Variants in LHFPL3 observed in about 807,000 individuals in gnomAD.
The protein encoded by LHFPL3 is LHFPL tetraspan subfamily member 3.
A neutral mutation model predicts 19.3 loss-of-function variants in LHFPL3; 5 were observed. The ratio of observed to expected loss-of-function variants is 0.26; its 90% CI spans 0.14 to 0.54. LHFPL3 has a LOEUF of 0.54. Ranked by LOEUF, LHFPL3 falls within the 20% of genes least tolerant of loss-of-function variation. The probability of loss-of-function intolerance (pLI) is 0.94; values close to 1 mark genes in which losing one functional copy is unlikely to be tolerated. For synonymous variants in LHFPL3, 133 were observed against 126.2 expected (o/e 1.05, Z -0.36); for missense variants, 249 against 307.4 (o/e 0.81, Z 1.42).
chr7:104,462,348 A>G (rs989303625), intron 1 of LHFPL3, among the ~76,000 whole-genome samples: 13 of 152,314 alleles, frequency 8.5e-5, no homozygotes, highest in African/African-American at 2.9e-4. Context: ...CCCATTCAGT[A>G]TGATAGTGGC....
At chr7:104,551,401 A>G (rs13231181) in intron 1 of LHFPL3, among the ~76,000 whole-genome samples, 28,255 of 151,858 alleles carry the variant, frequency 0.19, 2,987 homozygotes, top group Non-Finnish European at 0.24. Flanking sequence ...TGCAGGCAGG[A>G]TCTGTATGCA....
chr7:104,478,390 T>C (rs115600413), intron 1 of LHFPL3, among the ~76,000 whole-genome samples: 4,355 of 152,150 alleles, frequency 0.029, 159 homozygotes, highest in African/African-American at 0.072. Flanking sequence ...TTGGGGGCTC[T>C]TGGGGGTAGT....
intron 1 of LHFPL3, among the ~76,000 whole-genome samples, chr7:104,396,740 C>T (rs1487133729): frequency 2.6e-5 from 4 of 151,712 alleles, no homozygotes; most frequent in East Asian, 1.9e-4. Context: ...GCAGATTGCT[C>T]GAGCTCAGGA....
At chr7:104,886,450 C>T (rs1247893619) in intron 2 of LHFPL3, among the ~76,000 whole-genome samples, 1 of 152,104 alleles carries the variant, frequency 6.6e-6, no homozygotes, top group Non-Finnish European at 1.5e-5. Context: ...CCGCAACTTC[C>T]GCCACCTGGG....
At chr7:104,565,188 T>G (rs1027183469) in intron 1 of LHFPL3, among the ~76,000 whole-genome samples, 1 of 152,220 alleles carries the variant, frequency 6.6e-6, no homozygotes, top group East Asian at 1.9e-4. Flanking sequence ...TTCAAACATA[T>G]AAGATGACAG....
intron 1 of LHFPL3, among the ~76,000 whole-genome samples, chr7:104,585,110 C>T (rs1790539713): frequency 6.6e-6 from 1 of 152,042 alleles, no homozygotes; most frequent in Admixed American, 6.6e-5. Flanking sequence ...TCCCTACTCC[C>T]AGCACTCTTG....
chr7:104,828,733 TAA>T (rs887484758), intron 2 of LHFPL3, among the ~76,000 whole-genome samples: 1 of 151,702 alleles, frequency 6.6e-6, no homozygotes, highest in Non-Finnish European at 1.5e-5. Flanking sequence ...AAGAGGGAAA[TAA>T]AGAGTCCCCA....
intron 1 of LHFPL3, among the ~76,000 whole-genome samples, chr7:104,581,668 C>T (rs933453791): frequency 5.9e-5 from 9 of 151,928 alleles, no homozygotes; most frequent in Non-Finnish European, 1.5e-5. Context: ...CTCAAATTAA[C>T]TTTTTTATAT....
chr7:104,601,255 G>A (rs1414352878), intron 1 of LHFPL3, among the ~76,000 whole-genome samples: 2 of 152,046 alleles, frequency 1.3e-5, no homozygotes, highest in African/African-American at 4.8e-5. Context: ...AGAGATGATA[G>A]TTTAAATTAG....
chr7:104,876,939 T>C (rs898182876), intron 2 of LHFPL3, among the ~76,000 whole-genome samples: 23 of 152,160 alleles, frequency 1.5e-4, no homozygotes, highest in Non-Finnish European at 1.9e-4. Flanking sequence ...TGGAATACTA[T>C]GCAGCCATAA....
chr7:104,599,527 A>G (rs1192002551), intron 1 of LHFPL3, among the ~76,000 whole-genome samples: 1 of 152,212 alleles, frequency 6.6e-6, no homozygotes, highest in African/African-American at 2.4e-5. Flanking sequence ...GGAAGAACCC[A>G]TCACATGTTT....
At chr7:104,452,616 GTTAA>G (rs2116604011) in intron 1 of LHFPL3, among the ~76,000 whole-genome samples, 1 of 152,180 alleles carries the variant, frequency 6.6e-6, no homozygotes, top group African/African-American at 2.4e-5. Context: ...CTTTTCATAT[GTTAA>G]TTAAGCATTA....
chr7:104,466,920 C>G (rs58309979), intron 1 of LHFPL3, among the ~76,000 whole-genome samples: 1,711 of 152,298 alleles, frequency 0.011, 23 homozygotes, highest in African/African-American at 0.039. Context: ...TTTAACCCTT[C>G]TTCCTGCCAT....
chr7:104,710,782 A>G (rs11974302), intron 1 of LHFPL3, among the ~76,000 whole-genome samples: 2,477 of 152,268 alleles, frequency 0.016, 75 homozygotes, highest in African/African-American at 0.056. Context: ...GTTGGCTATT[A>G]TTTTTGCATT....
chr7:104,430,440 A>ATATATATATATG (rs1791970945), intron 1 of LHFPL3, among the ~76,000 whole-genome samples: 1 of 15,302 alleles, frequency 6.5e-5, no homozygotes, highest in Non-Finnish European at 1.1e-4. Context: ...ATATATATAT[A>ATATATATATATG]TATATATATA....
intron 1 of LHFPL3, among the ~76,000 whole-genome samples, chr7:104,691,913 G>A (rs1263436687): frequency 6.6e-6 from 1 of 152,214 alleles, no homozygotes; most frequent in Non-Finnish European, 1.5e-5. Context: ...ATGGCTTTGA[G>A]CAAAATGCTG....
chr7:104,893,915 G>A (rs1792302718), intron 2 of LHFPL3, among the ~76,000 whole-genome samples: 2 of 150,210 alleles, frequency 1.3e-5, no homozygotes, highest in South Asian at 4.2e-4. Context: ...TCGCACCACT[G>A]CACTCCAGCC....
chr7:104,882,335 C>A (rs955290710), intron 2 of LHFPL3, among the ~76,000 whole-genome samples: 1 of 152,148 alleles, frequency 6.6e-6, no homozygotes, highest in African/African-American at 2.4e-5. Context: ...GCAGCCTTCA[C>A]CTCCCAGGTT....
Position 104,328,606 on chromosome 7 carries a change from C to G in LHFPL3, c.-174C>G, listed in dbSNP as rs565470415. The G allele has an allele frequency of 4.6e-5, 29 of 635,310 alleles. No individual in the cohort carries two copies. The South Asian group carries it at 5.6e-4, about 12-fold the overall frequency. The allele number at this position is 635,310 out of a possible 1,614,324, so 39.4% of individuals were successfully genotyped here. On this transcript the variant is annotated 5_prime_UTR_variant, in exon 1 of 3. Transcript: ENST00000424859. The surrounding 1 kb of genome is among the most constrained non-coding windows in gnomAD (Gnocchi z 4.6). ...GCGAGCCGGAGGGGTGCTCCGCGCT[C>G]CCCCGCCCTCCTTCCGGGAGCGAGG...
Sources: allele counts gnomAD v4.1 joint callset (sites outside exome capture counted in the v4.1 genomes callset), GRCh38; gene constraint gnomAD v4.1.1; non-coding constraint Gnocchi (gnomAD v3.1); transcripts MANE v1.5; gene names NCBI Gene and HGNC (gene_info 2026-07-23, HGNC 2026-07-21).